Variants in FOXP2 observed in about 807,000 individuals in gnomAD.
FOXP2 encodes forkhead box P2, also known as forkhead box protein P2.
Under a neutral mutation model 115.8 loss-of-function variants are expected in FOXP2, and 12 were observed. The observed-to-expected ratio is 0.10, with a 90% CI of 0.07 to 0.17. FOXP2 has a LOEUF of 0.17. FOXP2 is among the 10% of genes least tolerant of loss of function. FOXP2 has a pLI of 1.00. For missense variants in FOXP2, 629 were observed against 843.5 expected, an observed-to-expected ratio of 0.75 and a Z score of 3.15; for synonymous variants, 328 against 297.7, an observed-to-expected ratio of 1.10 and a Z score of -1.05.
intron 2 of FOXP2, chr7:114,498,888 T>C (rs1213870830): frequency 4.2e-6 from 3 of 717,950 alleles, no homozygotes; most frequent in Admixed American, 4.0e-5. Context: ...CTCAGGAGGA[T>C]GTTGTCTCTT....
chr7:114,682,256 T>A (rs1367838099), intron 16 of FOXP2, among the ~76,000 whole-genome samples: 1 of 152,164 alleles, frequency 6.6e-6, no homozygotes, highest in East Asian at 1.9e-4. Flanking sequence ...AACCACTTAA[T>A]CACTGCTGCG....
chr7:114,158,965 T>A (rs1234082313), upstream of FOXP2, among the ~76,000 whole-genome samples: 1 of 152,060 alleles, frequency 6.6e-6, no homozygotes, highest in Admixed American at 6.6e-5. Flanking sequence ...GAATGAAGGA[T>A]AAGGGACCAG....
chr7:114,126,646 A>G (rs1214196925), intron 1 of FOXP2, among the ~76,000 whole-genome samples: 2 of 152,174 alleles, frequency 1.3e-5, no homozygotes, highest in Admixed American at 1.3e-4. Flanking sequence ...ATAATCTTGC[A>G]GTGAAAACCC....
intron 2 of FOXP2, chr7:114,498,987 C>G (rs1400000282): frequency 2.8e-6 from 2 of 715,844 alleles, no homozygotes; most frequent in Non-Finnish European, 5.2e-6. Flanking sequence ...CCTGGACCAG[C>G]AGCAACAGCA....
intron 2 of FOXP2, among the ~76,000 whole-genome samples, chr7:114,504,156 A>C (rs1391221094): frequency 6.6e-6 from 1 of 151,694 alleles, no homozygotes; most frequent in East Asian, 1.9e-4. Context: ...TTTTACTGTA[A>C]TCTATAAAAA....
At chr7:114,271,794 C>A (rs1796058522) in intron 1 of FOXP2, among the ~76,000 whole-genome samples, 1 of 113,720 alleles carries the variant, frequency 8.8e-6, no homozygotes, top group East Asian at 2.4e-4. Context: ...AAATGTATGT[C>A]ATATTATTTA....
intron 2 of FOXP2, among the ~76,000 whole-genome samples, chr7:114,391,102 G>T (rs995957185): frequency 6.6e-6 from 1 of 151,832 alleles, no homozygotes. Context: ...CAGGAGAATC[G>T]CTTGAACCCG....
intron 2 of FOXP2, among the ~76,000 whole-genome samples, chr7:114,468,656 A>G (rs1795915898): frequency 6.6e-6 from 1 of 152,134 alleles, no homozygotes; most frequent in African/African-American, 2.4e-5. Context: ...TCCCTCTTTC[A>G]GAAAGAATTT....
intron 1 of FOXP2, among the ~76,000 whole-genome samples, chr7:114,249,709 T>C (rs979422352): frequency 6.6e-6 from 1 of 152,184 alleles, no homozygotes; most frequent in Non-Finnish European, 1.5e-5. Context: ...GAATGATTTA[T>C]ATTCCTTTGT....
Position 114,151,349 on chromosome 7 carries a change from T to C in FOXP2, c.-246-11595T>C, listed in dbSNP as rs1231080268. Among the ~76,000 whole-genome samples, 6 of 152,092 alleles carry C rather than the reference T, an allele frequency of 3.9e-5. No individual in the cohort carries two copies. In the East Asian group the frequency reaches 1.2e-3, roughly 29 times the overall value. ...AAATATTTAGCATAAGTAGTTATATTTCACTCAAATTTTCATAATGAATTA... is the reference window on the plus strand; with the variant it reads ...AAATATTTAGCATAAGTAGTTATATCTCACTCAAATTTTCATAATGAATTA... On this transcript the variant is annotated intron_variant, in intron 1 of 19. Transcript: ENST00000635638.
At chr7:114,235,891 C>T (rs769747072) in intron 1 of FOXP2, among the ~76,000 whole-genome samples, 3 of 152,188 alleles carry the variant, frequency 2.0e-5, no homozygotes, top group Non-Finnish European at 4.4e-5. Flanking sequence ...AACTCATTCT[C>T]TCTGTAAAGC....
chr7:114,328,346 C>G (rs1417870799), intron 2 of FOXP2, among the ~76,000 whole-genome samples: 1 of 151,388 alleles, frequency 6.6e-6, no homozygotes, highest in African/African-American at 2.4e-5. Context: ...ACGCCATTCT[C>G]CTGCCTCAGC....
upstream of FOXP2, among the ~76,000 whole-genome samples, chr7:114,162,472 C>T: frequency 6.6e-6 from 1 of 151,924 alleles, no homozygotes; most frequent in Non-Finnish European, 1.5e-5. Flanking sequence ...TTCTTAAAAT[C>T]ATCTTTTTTT....
Position 114,288,665 on chromosome 7 carries a change from C to T in FOXP2, c.-11+556C>T, listed in dbSNP as rs536845806. Among the ~76,000 whole-genome samples the T allele has an allele frequency of 5.9e-5, 9 of 151,678 alleles. No homozygotes were observed. In the South Asian group the frequency reaches 1.7e-3, roughly 28 times the overall value. On this transcript the variant is annotated intron_variant, in intron 2 of 17. Coordinates refer to the FOXP2 transcript ENST00000634411. ...TTTTTAATGTTGAGTATCTTTAAAT[C>T]TCATGATAGTTTTCTTTGATATGTA... is the stretch of plus-strand genomic sequence containing the variant.
At chr7:114,332,388 A>G (rs553098704) in intron 2 of FOXP2, among the ~76,000 whole-genome samples, 17 of 152,306 alleles carry the variant, frequency 1.1e-4, no homozygotes, top group African/African-American at 3.8e-4. Context: ...ACAATCAGTA[A>G]TGCATTGTTG....
chr7:114,565,287 C>T (rs1453073985), intron 3 of FOXP2, among the ~76,000 whole-genome samples: 2 of 151,978 alleles, frequency 1.3e-5, no homozygotes, highest in Non-Finnish European at 2.9e-5. Context: ...TTTCATTCAC[C>T]TTTTTATATC....
intron 1 of FOXP2, among the ~76,000 whole-genome samples, chr7:114,139,504 T>G (rs534488388): frequency 6.6e-6 from 1 of 152,322 alleles, no homozygotes; most frequent in Non-Finnish European, 1.5e-5. Flanking sequence ...CTGATTTTCC[T>G]AACTTTTTTA....
In FOXP2 at chr7:114,166,238, GA is replaced by G. The variant is rs564749745; in HGVS notation, c.-102+3157del. ...ATACAACATCAAAAATATGATCCATGAAAAAAATTAATAAGTTGGATTTCAT... is the reference window on the plus strand; with the variant it reads ...ATACAACATCAAAAATATGATCCATGAAAAAATTAATAAGTTGGATTTCAT... On this transcript the variant is annotated intron_variant, in intron 1 of 17. Transcript: ENST00000634411. Among the ~76,000 whole-genome samples the G allele has an allele frequency of 2.7e-3, 406 of 152,088 alleles. 4 individuals carry two copies. The highest frequency in any genetic ancestry group is 9.5e-3 in the African/African-American group (393 of 41,502).
chr7:114,111,214 C>T (rs1197844152), intron 1 of FOXP2, among the ~76,000 whole-genome samples: 1 of 152,174 alleles, frequency 6.6e-6, no homozygotes, highest in Non-Finnish European at 1.5e-5. Context: ...GCCGGTGCGA[C>T]ATCAGTGAAT....
Sources: gnomAD v4.1 joint callset for allele counts (sites outside exome capture counted in the v4.1 genomes callset) on GRCh38, gnomAD v4.1.1 for gene constraint, MANE v1.5 for transcripts, NCBI Gene and HGNC (gene_info 2026-07-23, HGNC 2026-07-21) for gene names.